ETS2: variants seen among roughly 807,000 people sequenced by gnomAD.
The protein encoded by ETS2 is protein C-ets-2.
Under a neutral mutation model 54.9 loss-of-function variants are expected in ETS2, and 19 were observed. That is an observed-to-expected ratio of 0.35 (90% confidence interval 0.24 to 0.51). The LOEUF (loss-of-function observed/expected upper bound fraction) is 0.51, where lower values mean the gene tolerates loss of function less well. Among genes scored for constraint, ETS2 ranks in the 20% least tolerant of loss-of-function variants. The probability of loss-of-function intolerance (pLI) is 0.97; values close to 1 mark genes in which losing one functional copy is unlikely to be tolerated. For missense variants in ETS2, 417 were observed against 593.0 expected, an observed-to-expected ratio of 0.70 and a Z score of 3.08; for synonymous variants, 219 against 229.3, an observed-to-expected ratio of 0.95 and a Z score of 0.41.
rs1316309419 is a variant in ETS2 at position 38,806,503 on chromosome 21, A to T, written c.-1+383A>T. ...CCCAGTGGATGTCCCGGCGAACATG[A>T]TTTCGCGAACGGGAGTGGGGGCACA... On this transcript the variant is annotated intron_variant, in intron 1 of 9. Transcript: ENST00000360938. The surrounding 1 kb of genome is among the most constrained non-coding windows in gnomAD (Gnocchi z 4.3). The T allele has an allele frequency of 1.0e-6, 1 of 985,214 alleles. No homozygotes were observed. The highest frequency in any genetic ancestry group is 1.7e-5 in the African/African-American group (1 of 57,196). The allele number at this position is 985,214 out of a possible 1,614,324, so 61.0% of individuals were successfully genotyped here.
chr21:38,819,449 A>G, intron 7 of ETS2, 54 bp from the exon 8 acceptor site: 1 of 1,587,454 alleles, frequency 6.3e-7, no homozygotes, highest in Non-Finnish European at 8.6e-7. Flanking sequence ...GGTCGTGCCC[A>G]AGACCAACTG....
At chr21:38,815,175 A>AGTGTGTGTGTGTGT (rs3065531) in intron 5 of ETS2, among the ~76,000 whole-genome samples, 194 bp downstream of exon 5, 25 of 149,808 alleles carry the variant, frequency 1.7e-4, no homozygotes, top group African/African-American at 6.2e-4. Flanking sequence ...ACTTTATGTG[A>AGTGTGTGTGTGTGT]GTGTGTGTGT....
chr21:38,805,974 A>C lies in ETS2; in HGVS notation c.-147A>C, dbSNP rs1250553338. 1.6e-6 allele frequency: 2 copies of C among 1,265,322 alleles called. No homozygotes were observed. Among genetic ancestry groups the C allele is most frequent in the South Asian group, 2.5e-5 (2 of 79,140 alleles). The allele number at this position is 1,265,322 out of a possible 1,614,324, so 78.4% of individuals were successfully genotyped here. A position where few individuals can be genotyped will look rare whatever the true frequency, so the allele number is the denominator to read the frequency against. On this transcript the variant is annotated 5_prime_UTR_variant, in exon 1 of 10. Transcript: ENST00000360938. This position sits in a 1 kb window ranked among gnomAD's most constrained non-coding sequence, Gnocchi z 5.2. The stretch of plus-strand genomic sequence containing the variant: ...GACGAGTGCGGTGTCGCTCCAGCTC[A>C]GAGCTCCCGGAGCCGCCCGGCCAGC...
Position 38,824,286 on chromosome 21 carries a change from C to A in ETS2, c.*1397C>A, listed in dbSNP as rs2060970277. On this transcript the variant is annotated 3_prime_UTR_variant, in exon 10 of 10. Coordinates refer to ENST00000360938, the MANE Select transcript of ETS2 (RefSeq NM_005239.6). ...GACGTGATTCTTATTTTCTTGGACA[C>A]AGACTATTCTGAGGCACAGAGCGGG... 1 of 152,278 alleles carries A rather than the reference C, an allele frequency of 6.6e-6. No individual in the cohort carries two copies. Among genetic ancestry groups the A allele is most frequent in the African/African-American group, 2.4e-5 (1 of 41,442 alleles). The allele number at this position is 152,278 out of a possible 1,614,324, so 9.4% of individuals were successfully genotyped here.
In ETS2 at chr21:38,806,440, G is replaced by A. The variant is rs1165243667; in HGVS notation, c.-1+320G>A. The A allele has an allele frequency of 4.1e-6, 4 of 985,606 alleles. No individual in the cohort carries two copies. Among genetic ancestry groups the A allele is most frequent in the Non-Finnish European group, 4.8e-6 (4 of 830,076 alleles). The allele number at this position is 985,606 out of a possible 1,614,324, so 61.1% of individuals were successfully genotyped here. A position where few individuals can be genotyped will look rare whatever the true frequency, so the allele number is the denominator to read the frequency against. On this transcript the variant is annotated intron_variant, in intron 1 of 9. Coordinates refer to ENST00000360938, the MANE Select transcript of ETS2 (RefSeq NM_005239.6). This position sits in a 1 kb window ranked among gnomAD's most constrained non-coding sequence, Gnocchi z 4.3. ...GCGCTGGCTTGTTTCGCTCGCTTTT[G>A]TTTTTAAAAGGAAACGCAGGCCTGG...
chr21:38,815,117 C>T, intron 5 of ETS2, 136 bp downstream of exon 5: 1 of 748,418 alleles, frequency 1.3e-6, no homozygotes, highest in East Asian at 2.6e-5. Context: ...CCTCAAAATG[C>T]CACTCAAGTG....
At chr21:38,808,303 A>G (rs768840971) in intron 1 of ETS2, among the ~76,000 whole-genome samples, 6 of 152,190 alleles carry the variant, frequency 3.9e-5, no homozygotes, top group Non-Finnish European at 7.3e-5. Context: ...CTTAGCTCTT[A>G]GTAACTAGGC....
intron 1 of ETS2, among the ~76,000 whole-genome samples, chr21:38,809,265 C>A (rs1027546122): frequency 1.3e-5 from 2 of 152,118 alleles, no homozygotes; most frequent in African/African-American, 4.8e-5. Flanking sequence ...AGCTCTGTAG[C>A]CACACATGGC....
Position 38,814,158 on chromosome 21 carries a change from GCC to G in ETS2, c.185-114_185-113del. On this transcript the variant is annotated intron_variant, in intron 3 of 9. Transcript: ENST00000360938. This position sits in a 1 kb window ranked among gnomAD's most constrained non-coding sequence, Gnocchi z 4.2. Reference sequence around the variant, plus strand: ...TAGTTACACTGTTTTAAGGAATCATGCCAAGGTTTGAGATCAAAATTGTTCTT... The same window carrying G: ...TAGTTACACTGTTTTAAGGAATCATGAAGGTTTGAGATCAAAATTGTTCTT... 1 of 1,061,914 alleles carries G rather than the reference GCC, an allele frequency of 9.4e-7. No individual in the cohort carries two copies. The highest frequency in any genetic ancestry group is 1.4e-6 in the Non-Finnish European group (1 of 716,774). 65.8% of individuals were successfully genotyped at this position (1,061,914 alleles called of 1,614,324 possible). A position where few individuals can be genotyped will look rare whatever the true frequency, so the allele number is the denominator to read the frequency against.
At chr21:38,815,115 T>G (rs1280476653) in intron 5 of ETS2, 134 bp downstream of exon 5, 4 of 775,132 alleles carry the variant, frequency 5.2e-6, no homozygotes, top group Admixed American at 2.3e-5. Flanking sequence ...TGCCTCAAAA[T>G]GCCACTCAAG....
rs2060923915 is a variant in ETS2, at chr21:38,814,206, C to T, written c.185-67C>T. On this transcript the variant is annotated intron_variant, in intron 3 of 9. Transcript: ENST00000360938. This position sits in a 1 kb window ranked among gnomAD's most constrained non-coding sequence, Gnocchi z 4.2. ...TTCTTTTCCAAAAACTAAGATGTCT[C>T]TCCTAAATCTCCACCTGATATCACC... 3 of 1,518,028 alleles carry T rather than the reference C, an allele frequency of 2.0e-6. No homozygotes were observed. The highest frequency in any genetic ancestry group is 2.7e-6 in the Non-Finnish European group (3 of 1,104,396). 94.0% of individuals were successfully genotyped at this position (1,518,028 alleles called of 1,614,324 possible). A position where few individuals can be genotyped will look rare whatever the true frequency, so the allele number is the denominator to read the frequency against.
At chr21:38,813,558 G>A (rs1396952069) in intron 3 of ETS2, among the ~76,000 whole-genome samples, 3 of 152,166 alleles carry the variant, frequency 2.0e-5, no homozygotes. Context: ...CTTACCCATC[G>A]GTAGTTCTTT....
intron 5 of ETS2, among the ~76,000 whole-genome samples, chr21:38,815,188 G>A (rs1054553937): frequency 6.7e-4 from 54 of 80,264 alleles, no homozygotes; most frequent in African/African-American, 1.4e-3. Context: ...GTGTGTGTGT[G>A]TGTGTGTGTG....
At chr21:38,810,291 T>A (rs1443439105) in intron 2 of ETS2, among the ~76,000 whole-genome samples, 185 bp downstream of exon 2, 1 of 152,180 alleles carries the variant, frequency 6.6e-6, no homozygotes, top group Non-Finnish European at 1.5e-5. Flanking sequence ...AGAATGGGTA[T>A]CTTGATGTGT....
chr21:38,808,590 A>ATGTGTGTG (rs56269044), intron 1 of ETS2, among the ~76,000 whole-genome samples: 9,140 of 148,086 alleles, frequency 0.062, 371 homozygotes, highest in African/African-American at 0.11. Context: ...GTGTGTGTGT[A>ATGTGTGTG]TGTGTGTGTG....
chr21:38,815,838 C>G (rs923317004), intron 5 of ETS2, among the ~76,000 whole-genome samples: 1 of 149,318 alleles, frequency 6.7e-6, no homozygotes, highest in East Asian at 2.0e-4. Flanking sequence ...TACTCGGAAG[C>G]CTGAGGCAGG....
chr21:38,812,993 G>C lies in ETS2; in HGVS notation c.73-10G>C, dbSNP rs761732356. 6.3e-7 allele frequency: 1 copy of C among 1,594,256 alleles called. No homozygotes were observed. Among genetic ancestry groups the C allele is most frequent in the Non-Finnish European group, 8.6e-7 (1 of 1,163,498 alleles). On this transcript the variant is annotated splice_polypyrimidine_tract_variant and intron_variant, in intron 2 of 9. Coordinates refer to ENST00000360938, the MANE Select transcript of ETS2 (RefSeq NM_005239.6). ...TTGTATTTCCATTTTTTTTCCATCT[G>C]TTTTTGCAGCGCCAGCCAGCCTTTG...
upstream of ETS2, chr21:38,805,927 C>T: frequency 8.0e-7 from 1 of 1,255,408 alleles, no homozygotes; most frequent in Non-Finnish European, 1.0e-6. The surrounding 1 kb of genome is among the most constrained non-coding windows in gnomAD (Gnocchi z 5.2). Flanking sequence ...GGGGGACGGC[C>T]CGGTTACTTC....
chr21:38,812,967 A>G, intron 2 of ETS2, 36 bp from the exon 3 acceptor site: 10 of 1,396,200 alleles, frequency 7.2e-6, no homozygotes, highest in Non-Finnish European at 1.0e-5. Context: ...CAGTTTAAAT[A>G]TTGTATTTCC....
Sources: allele counts gnomAD v4.1 joint callset (sites outside exome capture counted in the v4.1 genomes callset), GRCh38; gene constraint gnomAD v4.1.1; non-coding constraint Gnocchi (gnomAD v3.1); transcripts MANE v1.5; gene names NCBI Gene and HGNC (gene_info 2026-07-23, HGNC 2026-07-21).